The following CAMK2D variants were observed in gnomAD, a reference collection of about 807,000 sequenced individuals.
CAMK2D encodes calcium/calmodulin dependent protein kinase II delta.
Under a neutral mutation model 84.0 loss-of-function variants are expected in CAMK2D, and 37 were observed. The observed-to-expected ratio is 0.44, with a 90% confidence interval of 0.34 to 0.58. The LOEUF is 0.58. Among genes scored for constraint, CAMK2D ranks in the 20% least tolerant of loss-of-function variants. CAMK2D has a pLI of 0.02. For synonymous variants in CAMK2D, 202 were observed against 212.5 expected (o/e 0.95, Z 0.43); for missense variants, 448 against 652.5 (o/e 0.69, Z 3.41).
At chr4:113,676,129 A>G (rs918015735) in intron 2 of CAMK2D, among the ~76,000 whole-genome samples, 2 of 152,204 alleles carry the variant, frequency 1.3e-5, no homozygotes, top group Admixed American at 6.5e-5. Flanking sequence ...AACCCACTTT[A>G]TGTATTAAAG....
chr4:113,758,172 A>G (rs2099632963), intron 2 of CAMK2D, among the ~76,000 whole-genome samples: 1 of 152,176 alleles, frequency 6.6e-6, no homozygotes, highest in African/African-American at 2.4e-5. Flanking sequence ...TTAACATAAT[A>G]TTCTTCTCAT....
At chr4:113,641,395 A>C (rs2099131655) in intron 3 of CAMK2D, among the ~76,000 whole-genome samples, 1 of 152,246 alleles carries the variant, frequency 6.6e-6, no homozygotes, top group Non-Finnish European at 1.5e-5. Context: ...ACTAAATTAA[A>C]AACACTTGAT....
chr4:113,500,888 A>G (rs2098030493), intron 15 of CAMK2D, among the ~76,000 whole-genome samples: 1 of 152,066 alleles, frequency 6.6e-6, no homozygotes, highest in Non-Finnish European at 1.5e-5. Flanking sequence ...TGAATTTGAT[A>G]CTTAAAATAG....
intron 4 of CAMK2D, among the ~76,000 whole-genome samples, chr4:113,604,037 G>C (rs1418048814): frequency 1.3e-5 from 2 of 151,900 alleles, no homozygotes; most frequent in Non-Finnish European, 2.9e-5. Context: ...ATTAGAAGAA[G>C]ACTCAATGCA....
intron 5 of CAMK2D, chr4:113,548,608 A>G: frequency 1.0e-6 from 1 of 968,158 alleles, no homozygotes; most frequent in Non-Finnish European, 1.6e-6. Flanking sequence ...TTCCCCAGAA[A>G]AAAAAATAAA....
At chr4:113,663,640 T>C in intron 2 of CAMK2D, among the ~76,000 whole-genome samples, 1 of 148,240 alleles carries the variant, frequency 6.7e-6, no homozygotes, top group South Asian at 2.1e-4. Context: ...GAAAGACATA[T>C]ACTTAAACAG....
intron 4 of CAMK2D, among the ~76,000 whole-genome samples, chr4:113,569,815 A>G (rs2098743848): frequency 6.6e-6 from 1 of 152,190 alleles, no homozygotes. Context: ...ATATAAACAT[A>G]TGAGTCGATT....
At chr4:113,562,307 T>C (rs2154212073) in intron 4 of CAMK2D, among the ~76,000 whole-genome samples, 1 of 152,298 alleles carries the variant, frequency 6.6e-6, no homozygotes, top group African/African-American at 2.4e-5. Flanking sequence ...GCATGCCACA[T>C]GCAAATTACT....
chr4:113,460,874 T>C (rs2154105450), intron 17 of CAMK2D, among the ~76,000 whole-genome samples: 1 of 152,152 alleles, frequency 6.6e-6, no homozygotes, highest in African/African-American at 2.4e-5. Context: ...TTATTTCTAG[T>C]AGAGATGGGG....
At chr4:113,500,680 T>C (rs770320400) in intron 15 of CAMK2D, among the ~76,000 whole-genome samples, 169 bp from the exon 16 acceptor site, 8 of 152,122 alleles carry the variant, frequency 5.3e-5, no homozygotes, top group Non-Finnish European at 1.0e-4. Context: ...AGAAATAAAA[T>C]GTCTGATGCT....
chr4:113,640,288 T>C (rs1266791297), intron 3 of CAMK2D, among the ~76,000 whole-genome samples: 1 of 151,896 alleles, frequency 6.6e-6, no homozygotes. Flanking sequence ...GATTTGGGAG[T>C]TACTAATATA....
chr4:113,715,421 T>C (rs1306910662), intron 2 of CAMK2D, among the ~76,000 whole-genome samples: 1 of 152,136 alleles, frequency 6.6e-6, no homozygotes, highest in African/African-American at 2.4e-5. Flanking sequence ...TTTATTCTCA[T>C]ATGCTATGAG....
chr4:113,731,994 C>T (rs2099570191), intron 2 of CAMK2D, among the ~76,000 whole-genome samples: 1 of 152,076 alleles, frequency 6.6e-6, no homozygotes. Flanking sequence ...AGATCTAGTT[C>T]TATGTTAAAC....
intron 2 of CAMK2D, among the ~76,000 whole-genome samples, chr4:113,685,389 G>A (rs191971990): frequency 9.7e-4 from 148 of 151,954 alleles, no homozygotes; most frequent in Admixed American, 2.8e-3. Context: ...ATAGGCGTGC[G>A]CCACAACACT....
Position 113,761,004 on chromosome 4 carries a change from T to C in CAMK2D, c.65A>G (p.Lys22Arg). The C allele has an allele frequency of 6.2e-7, 1 of 1,614,180 alleles. No individual in the cohort carries two copies. Among genetic ancestry groups the C allele is most frequent in the African/African-American group, 1.3e-5 (1 of 75,042 alleles). Reference sequence around the variant, plus strand: ...GCGGATGCCGGGCAAAGGTGCTTACTTTCCAAGCTCCTCGAAAAGCTGATA... The same window carrying C: ...GCGGATGCCGGGCAAAGGTGCTTACCTTCCAAGCTCCTCGAAAAGCTGATA... ...DEYQLFEELG[K>R]GAFSVVRRCM... is the part of the protein sequence containing the mutation. Residue 22 changes from lysine to arginine, a missense_variant and splice_region_variant, in exon 1 of 21, where the codon AAG (lysine) becomes AGG (arginine). Lys to Arg is a conservative substitution (Grantham distance 26). Coordinates refer to ENST00000511664, the MANE Select transcript of CAMK2D (RefSeq NM_001321571.2).
chr4:113,624,486 C>T (rs6533703), intron 3 of CAMK2D, among the ~76,000 whole-genome samples: 1 of 151,922 alleles, frequency 6.6e-6, no homozygotes, highest in Non-Finnish European at 1.5e-5. Context: ...TTGGCAGGAA[C>T]GGTGGGCATA....
chr4:113,629,528 CAATACTT>C (rs1472408105), intron 3 of CAMK2D, among the ~76,000 whole-genome samples: 4 of 151,462 alleles, frequency 2.6e-5, no homozygotes, highest in African/African-American at 9.7e-5. Flanking sequence ...TTACAGAAAA[CAATACTT>C]AATCTTACTA....
chr4:113,744,623 A>G (rs2099600292), intron 2 of CAMK2D, among the ~76,000 whole-genome samples: 1 of 152,176 alleles, frequency 6.6e-6, no homozygotes, highest in African/African-American at 2.4e-5. Flanking sequence ...ATCCACTAGC[A>G]TAGCTTCTAC....
At chr4:113,524,717 A>T (rs547279892) in intron 8 of CAMK2D, among the ~76,000 whole-genome samples, 1 of 152,276 alleles carries the variant, frequency 6.6e-6, no homozygotes, top group Admixed American at 6.5e-5. Flanking sequence ...CCTGAGGTAG[A>T]TCTCAGGAGG....
Sources: allele counts gnomAD v4.1 joint callset (sites outside exome capture counted in the v4.1 genomes callset), GRCh38; gene constraint gnomAD v4.1.1; transcripts MANE v1.5; gene names NCBI Gene and HGNC (gene_info 2026-07-23, HGNC 2026-07-21).